The following TLN2 variants were observed in gnomAD, a reference collection of about 807,000 sequenced individuals.
The protein encoded by TLN2 is talin-2.
In TLN2, 118 loss-of-function variants were observed where a neutral mutation model predicts 294.7. That is an observed-to-expected ratio of 0.40 (90% CI 0.34 to 0.47). The LOEUF (loss-of-function observed/expected upper bound fraction) is 0.47, where lower values mean the gene tolerates loss of function less well. TLN2 is among the 20% of genes least tolerant of loss of function. The pLI is 0.84. For missense variants in TLN2, 3,083 were observed against 3,282.2 expected (o/e 0.94, Z 1.48); for synonymous variants, 1,431 against 1,304.5 (o/e 1.10, Z -2.09).
At chr15:62,518,399 G>A (rs1255840449) in intron 1 of TLN2, among the ~76,000 whole-genome samples, 1 of 152,172 alleles carries the variant, frequency 6.6e-6, no homozygotes, top group Non-Finnish European at 1.5e-5. Context: ...AGTAGGAGGA[G>A]CGTAGGTTTT....
chr15:62,802,101 C>T (rs770392076), intron 50 of TLN2, among the ~76,000 whole-genome samples: 5 of 152,042 alleles, frequency 3.3e-5, no homozygotes, highest in Admixed American at 6.6e-5. Context: ...TTCCCCACCC[C>T]GACCTCCCAC....
chr15:62,567,714 A>G (rs958741574), intron 1 of TLN2, among the ~76,000 whole-genome samples: 1 of 152,078 alleles, frequency 6.6e-6, no homozygotes, highest in Non-Finnish European at 1.5e-5. Context: ...GCGCGCCTGT[A>G]ATCCCAGCTA....
At position 62,771,410 on chromosome 15, in the gene TLN2, CTG is replaced by C. The variant is rs2063344355; in HGVS notation, c.5367+278_5367+279del. 2.0e-5 allele frequency among the ~76,000 whole-genome samples: 3 copies of C among 152,190 alleles called. No homozygotes were observed. The South Asian group carries it at 6.2e-4, about 32-fold the overall frequency. On this transcript the variant is annotated intron_variant, in intron 42 of 58. Transcript: ENST00000636159. ...GGTGCGATGATTACAGGAATGAAAA[CTG>C]TAATGCTTGCTGGGTCCCTGCTCAG...
At chr15:62,472,789 C>T (rs975027518) in intron 1 of TLN2, among the ~76,000 whole-genome samples, 4 of 152,142 alleles carry the variant, frequency 2.6e-5, no homozygotes, top group Non-Finnish European at 5.9e-5. Flanking sequence ...CTCCGACCGA[C>T]GGATGACTTG....
intron 54 of TLN2, among the ~76,000 whole-genome samples, 162 bp downstream of exon 54, chr15:62,820,772 G>A (rs1270734447): frequency 6.6e-6 from 1 of 152,094 alleles, no homozygotes; most frequent in African/African-American, 2.4e-5. Flanking sequence ...TTTAGAGTAT[G>A]GGGGTAAAAA....
chr15:62,548,789 A>C (rs1257898139), intron 1 of TLN2, among the ~76,000 whole-genome samples: 1 of 152,162 alleles, frequency 6.6e-6, no homozygotes, highest in African/African-American at 2.4e-5. Flanking sequence ...GATTTCCCAA[A>C]GGAAAATCTA....
chr15:62,551,262 G>T (rs2042283138), intron 1 of TLN2, among the ~76,000 whole-genome samples: 1 of 152,146 alleles, frequency 6.6e-6, no homozygotes, highest in Non-Finnish European at 1.5e-5. Context: ...GTGTGGCGTG[G>T]TTCCTAACAG....
chr15:62,633,302 T>C (rs1033703626), intron 3 of TLN2, among the ~76,000 whole-genome samples: 20 of 152,172 alleles, frequency 1.3e-4, no homozygotes, highest in African/African-American at 4.8e-4. Flanking sequence ...CTTATATTTG[T>C]TTATTTGTTT....
At chr15:62,687,676 C>G (rs1454308710) in intron 12 of TLN2, 2 of 152,130 alleles carry the variant, frequency 1.3e-5, no homozygotes, top group Admixed American at 1.3e-4. Flanking sequence ...GAAATATCAC[C>G]TCTTATCTAT....
chr15:62,466,961 A>G (rs2037167897), intron 1 of TLN2, among the ~76,000 whole-genome samples: 1 of 152,260 alleles, frequency 6.6e-6, no homozygotes, highest in African/African-American at 2.4e-5. Flanking sequence ...ATGAGATTTC[A>G]GCATTCTGAA....
intron 1 of TLN2, among the ~76,000 whole-genome samples, chr15:62,442,903 C>T (rs1485166195): frequency 1.3e-5 from 2 of 152,100 alleles, no homozygotes; most frequent in Admixed American, 6.5e-5. Flanking sequence ...TTCTTGAGGC[C>T]GCCTGCAGTT....
At chr15:62,737,604 C>T (rs1335423219) in intron 29 of TLN2, among the ~76,000 whole-genome samples, 1 of 152,186 alleles carries the variant, frequency 6.6e-6, no homozygotes, top group African/African-American at 2.4e-5. Context: ...CTCCCCACCT[C>T]CAAAGACCTT....
chr15:62,820,744 C>T (rs954726954), intron 54 of TLN2, 134 bp downstream of exon 54: 44 of 1,205,772 alleles, frequency 3.6e-5, no homozygotes, highest in Middle Eastern at 5.9e-4. Context: ...AAAACCGGAT[C>T]TACCTGCCCG....
intron 1 of TLN2, among the ~76,000 whole-genome samples, chr15:62,580,550 A>T (rs1042785025): frequency 3.3e-5 from 5 of 152,036 alleles, no homozygotes; most frequent in Non-Finnish European, 7.4e-5. Flanking sequence ...AGCCGGTACT[A>T]TAGGCGCATA....
At chr15:62,448,193 C>T (rs2035925789) in intron 1 of TLN2, among the ~76,000 whole-genome samples, 1 of 152,314 alleles carries the variant, frequency 6.6e-6, no homozygotes, top group South Asian at 2.1e-4. Flanking sequence ...CTCAGTTGTC[C>T]TGGGGAAGGC....
intron 1 of TLN2, among the ~76,000 whole-genome samples, chr15:62,524,712 A>C (rs1218620983): frequency 6.6e-6 from 1 of 152,218 alleles, no homozygotes; most frequent in Non-Finnish European, 1.5e-5. Context: ...TCACAGCTTT[A>C]GAATTCAGAA....
intron 1 of TLN2, among the ~76,000 whole-genome samples, chr15:62,545,332 A>G (rs1161054606): frequency 1.3e-5 from 2 of 152,320 alleles, no homozygotes; most frequent in African/African-American, 4.8e-5. Flanking sequence ...GCTTGTTGCA[A>G]TAACAAGGCA....
At chr15:62,824,673 A>C (rs2067877269) in intron 54 of TLN2, among the ~76,000 whole-genome samples, 2 of 152,036 alleles carry the variant, frequency 1.3e-5, no homozygotes, top group African/African-American at 4.8e-5. Flanking sequence ...GGTAATATTT[A>C]GAATAAGCCA....
chr15:62,743,231 C>T (rs2061436043), intron 32 of TLN2, among the ~76,000 whole-genome samples: 1 of 152,124 alleles, frequency 6.6e-6, no homozygotes. Context: ...GTTCTTGAGA[C>T]TGTCAGGTCC....
Sources: gnomAD v4.1 joint callset for allele counts (sites outside exome capture counted in the v4.1 genomes callset) on GRCh38, gnomAD v4.1.1 for gene constraint, MANE v1.5 for transcripts, NCBI Gene and HGNC (gene_info 2026-07-23, HGNC 2026-07-21) for gene names.